Variants in ARHGEF12 observed in about 807,000 individuals in gnomAD.
ARHGEF12 encodes KMT2A/ARHGEF12 fusion protein.
A neutral mutation model predicts 211.2 loss-of-function variants in ARHGEF12; 66 were observed. The ratio of observed to expected loss-of-function variants is 0.31; its 90% CI spans 0.26 to 0.38. ARHGEF12 has a LOEUF of 0.38. Among genes scored for constraint, ARHGEF12 ranks in the 10% least tolerant of loss-of-function variants. The probability of loss-of-function intolerance (pLI) is 1.00; values close to 1 mark genes in which losing one functional copy is unlikely to be tolerated. For missense variants in ARHGEF12, 1,429 were observed against 1,869.5 expected, an observed-to-expected ratio of 0.76 and a Z score of 4.34; for synonymous variants, 592 against 638.4, an observed-to-expected ratio of 0.93 and a Z score of 1.09.
intron 4 of ARHGEF12, among the ~76,000 whole-genome samples, chr11:120,415,623 A>G (rs1207302608): frequency 1.3e-5 from 2 of 152,226 alleles, no homozygotes; most frequent in Non-Finnish European, 2.9e-5. Context: ...CTCTGAAGAA[A>G]AAGGGAAAAC....
chr11:120,483,258 CTTT>C (rs777120176), intron 39 of ARHGEF12, among the ~76,000 whole-genome samples: 4 of 97,502 alleles, frequency 4.1e-5, no homozygotes, highest in East Asian at 2.7e-4. Context: ...CCATAATAAT[CTTT>C]TTTTTTTTTT....
chr11:120,449,367 T>C, intron 21 of ARHGEF12, 153 bp downstream of exon 21: 1 of 628,522 alleles, frequency 1.6e-6, no homozygotes, highest in Non-Finnish European at 2.8e-6. Flanking sequence ...GCGTTATTTC[T>C]GAACTAAGTA....
rs994737666 is a variant in ARHGEF12, at chr11:120,451,634, A to G, written c.1966A>G (p.Thr656Ala). Residue 656 changes from threonine (T) to alanine (A), a missense_variant, in exon 22 of 41, where the codon ACA becomes GCA. Thr to Ala is a moderately conservative substitution (Grantham distance 58, BLOSUM62 0). This residue lies in a region of ARHGEF12 where 373 missense variants were observed against 467.5 expected (regional missense o/e 0.80). Transcript: ENST00000397843. ...CCAGAGTGGGTTAGCAAATGAAGGAACAGACGCTGGATACCTGCCTGCCAA... is the reference window on the plus strand; with the variant it reads ...CCAGAGTGGGTTAGCAAATGAAGGAGCAGACGCTGGATACCTGCCTGCCAA... ...LRQSGLANEG[T>A]DAGYLPANSM... 1.2e-6 allele frequency: 2 copies of G among 1,614,182 alleles called. No individual in the cohort carries two copies. The highest frequency in any genetic ancestry group is 1.3e-5 in the African/African-American group (1 of 75,048).
intron 30 of ARHGEF12, among the ~76,000 whole-genome samples, chr11:120,472,191 T>C (rs760874353): frequency 2.6e-5 from 4 of 152,154 alleles, no homozygotes; most frequent in Admixed American, 1.3e-4. Flanking sequence ...GGAATACATA[T>C]AGGAATACCA....
intron 1 of ARHGEF12, among the ~76,000 whole-genome samples, chr11:120,339,005 C>CTTTTTTTT (rs906260027): frequency 9.4e-4 from 115 of 121,950 alleles, no homozygotes; most frequent in African/African-American, 1.4e-3. Flanking sequence ...TTTTCTTTTT[C>CTTTTTTTT]TTTTTTTTTT....
intron 1 of ARHGEF12, among the ~76,000 whole-genome samples, chr11:120,341,435 A>G (rs1357800751): frequency 6.6e-6 from 1 of 152,172 alleles, no homozygotes; most frequent in Non-Finnish European, 1.5e-5. Context: ...TGAGGCAAAC[A>G]TTCATGGAAT....
intron 30 of ARHGEF12, among the ~76,000 whole-genome samples, chr11:120,471,843 A>G (rs1946878234): frequency 6.6e-6 from 1 of 152,166 alleles, no homozygotes; most frequent in Admixed American, 6.5e-5. Flanking sequence ...TTTGGAAATG[A>G]TATTGTGGGG....
At chr11:120,337,771 G>T (rs1240309054) in intron 1 of ARHGEF12, 4 of 985,360 alleles carry the variant, frequency 4.1e-6, no homozygotes, top group Non-Finnish European at 3.6e-6. Context: ...TGACCTGCAC[G>T]GTGTTTAATT....
chr11:120,407,043 A>G (rs1468778788), intron 2 of ARHGEF12, among the ~76,000 whole-genome samples: 1 of 152,258 alleles, frequency 6.6e-6, no homozygotes, highest in South Asian at 2.1e-4. Flanking sequence ...GTAGTATGTC[A>G]TTCCTAATTA....
chr11:120,442,798 C>G (rs1945921068), intron 15 of ARHGEF12, among the ~76,000 whole-genome samples: 1 of 152,068 alleles, frequency 6.6e-6, no homozygotes, highest in Non-Finnish European at 1.5e-5. Flanking sequence ...GTCCCTAGTC[C>G]TTTCACATTT....
intron 1 of ARHGEF12, among the ~76,000 whole-genome samples, chr11:120,401,298 G>A (rs1591545369): frequency 6.6e-6 from 1 of 152,134 alleles, no homozygotes; most frequent in African/African-American, 2.4e-5. Flanking sequence ...AATACTTTTG[G>A]TTCTGTGAAT....
At chr11:120,437,894 T>C (rs544987383) in intron 12 of ARHGEF12, among the ~76,000 whole-genome samples, 67 of 152,356 alleles carry the variant, frequency 4.4e-4, no homozygotes, top group African/African-American at 1.5e-3. Context: ...TGTTGTAGCA[T>C]GTGTCAGAAT....
chr11:120,369,896 C>A (rs1318953837), intron 1 of ARHGEF12, among the ~76,000 whole-genome samples: 2 of 152,120 alleles, frequency 1.3e-5, no homozygotes, highest in African/African-American at 4.8e-5. Context: ...GTCGAGGCTC[C>A]CCTGGGTATT....
Position 120,480,370 on chromosome 11 carries a change from C to G in ARHGEF12, c.4177C>G (p.Pro1393Ala), listed in dbSNP as rs771365337. Residue 1393 changes from proline to alanine, a missense_variant, in exon 38 of 41, where the codon CCA (proline) becomes GCA (alanine). By Grantham distance (27) the Pro-to-Ala change is conservative. This residue lies in a region of ARHGEF12 where 467 missense variants were observed against 468.4 expected (regional missense o/e 1.00). Coordinates refer to ENST00000397843, the MANE Select transcript of ARHGEF12 (RefSeq NM_015313.3). ...DAREAHSDEN[P>A]SEGDGAVNKE... ...CCGTGAAGCACATAGTGATGAGAAT[C>G]CATCAGAAGGTGATGGAGCAGTTAA... 1 of 1,614,096 alleles carries G rather than the reference C, an allele frequency of 6.2e-7. No homozygotes were observed. The highest frequency in any genetic ancestry group is 1.7e-5 in the Admixed American group (1 of 60,024).
intron 36 of ARHGEF12, 75 bp downstream of exon 36, chr11:120,477,601 A>T: frequency 7.2e-7 from 1 of 1,394,876 alleles, no homozygotes; most frequent in African/African-American, 1.4e-5. Flanking sequence ...GTGGTGGCTC[A>T]TGCCTGTAAT....
intron 1 of ARHGEF12, among the ~76,000 whole-genome samples, chr11:120,361,593 G>A (rs1223262664): frequency 6.6e-6 from 1 of 152,020 alleles, no homozygotes; most frequent in African/African-American, 2.4e-5. Flanking sequence ...GAAAATTCTC[G>A]CAAAAATTTT....
rs1251962089 is a variant in ARHGEF12 at position 120,481,545 on chromosome 11, A to G, written c.4523A>G (p.His1508Arg). Reference sequence around the variant, plus strand: ...CAGAGCCAGATCATGGAGTACATTCATAAGATAGAGGCTGACCTTGAACAC... The same window carrying G: ...CAGAGCCAGATCATGGAGTACATTCGTAAGATAGAGGCTGACCTTGAACAC... ...DSQSQIMEYI[H>R]KIEADLEHLK... Residue 1508 changes from histidine to arginine, a missense_variant, in exon 39 of 41, where the codon CAT becomes CGT. This residue lies in a region of ARHGEF12 where 467 missense variants were observed against 468.4 expected (regional missense o/e 1.00). Coordinates refer to ENST00000397843, the MANE Select transcript of ARHGEF12 (RefSeq NM_015313.3). 2.5e-6 allele frequency: 4 copies of G among 1,614,210 alleles called. No individual in the cohort carries two copies. The highest frequency in any genetic ancestry group is 3.4e-6 in the Non-Finnish European group (4 of 1,180,042).
At position 120,480,445 on chromosome 11, in the gene ARHGEF12, C is replaced by T. The variant is rs1565516910; in HGVS notation, c.4237+15C>T. On this transcript the variant is annotated intron_variant, in intron 38 of 40. Transcript: ENST00000397843. ...ACGCATCTCAGGCAAGTATCTTTCA[C>T]ACTTAAACTTTGATTTTGATTTTGA... The T allele has an allele frequency of 1.3e-6, 2 of 1,586,008 alleles. No homozygotes were observed. Among genetic ancestry groups the T allele is most frequent in the South Asian group, 2.3e-5 (2 of 86,414 alleles).
chr11:120,486,820 A>T lies in ARHGEF12; in HGVS notation c.*1743A>T, dbSNP rs1457562345. 3 of 216,460 alleles carry T rather than the reference A, an allele frequency of 1.4e-5. No homozygotes were observed. The highest frequency in any genetic ancestry group is 1.9e-5 in the Non-Finnish European group (2 of 107,510). 13.4% of individuals were successfully genotyped at this position (216,460 alleles called of 1,614,324 possible). On this transcript the variant is annotated 3_prime_UTR_variant, in exon 41 of 41. Coordinates refer to ENST00000397843, the MANE Select transcript of ARHGEF12 (RefSeq NM_015313.3). ...GTCCAGATTTCTGTTTCTGTCCTAA[A>T]TTGATCTGTGTTTTTAGGTGGATCA...
Sources: allele counts gnomAD v4.1 joint callset (sites outside exome capture counted in the v4.1 genomes callset), GRCh38; gene constraint gnomAD v4.1.1; regional missense constraint gnomAD v4.1.1; transcripts MANE v1.5; gene names NCBI Gene and HGNC (gene_info 2026-07-23, HGNC 2026-07-21).